TTC21A: variants seen among roughly 807,000 people sequenced by gnomAD.
TTC21A encodes the protein tetratricopeptide repeat protein 21A.
TTC21A carries 128 observed loss-of-function variants against 156.4 expected under a neutral mutation model. The ratio of observed to expected loss-of-function variants is 0.82; its 90% CI spans 0.71 to 0.95. The LOEUF is 0.95. Ranked by LOEUF, TTC21A falls within the 40% of genes least tolerant of loss-of-function variation. The pLI is 0.00. For missense variants in TTC21A, 1,435 were observed against 1,602.3 expected (o/e 0.90, Z 1.78); for synonymous variants, 587 against 617.1 (o/e 0.95, Z 0.72).
intron 11 of TTC21A, 49 bp downstream of exon 11, chr3:39,125,581 G>C (rs375696012): frequency 2.2e-6 from 3 of 1,365,436 alleles, no homozygotes; most frequent in Admixed American, 3.3e-5. Flanking sequence ...TACAGGTTTG[G>C]ATGGTGCCCA....
In TTC21A at chr3:39,128,746, C is replaced by T. The variant is rs907404709; in HGVS notation, c.1710C>T (p.Ile570=). ...QVRDHPLYHL[I]KARALNKAGD... ...GAGATCACCCCCTCTACCACCTCAT[C>T]AAGGCCAGGGCCCTCAACAAGGCTG... The change falls in exon 14 of 29, where the codon ATC becomes ATT. Residue 570 remains isoleucine (I), a synonymous_variant. Transcript: ENST00000683103. 9.3e-6 allele frequency: 15 copies of T among 1,614,072 alleles called. No homozygotes were observed. Among genetic ancestry groups the T allele is most frequent in the Non-Finnish European group, 1.3e-5 (15 of 1,180,054 alleles).
intron 10 of TTC21A, 34 bp downstream of exon 10, chr3:39,125,194 GA>G (rs2038119389): frequency 6.4e-7 from 1 of 1,569,414 alleles, no homozygotes; most frequent in African/African-American, 1.4e-5. Flanking sequence ...GTTGCTCCAG[GA>G]TGATGTCCTC....
chr3:39,117,716 T>C (rs1158602660), intron 6 of TTC21A, among the ~76,000 whole-genome samples: 2 of 152,172 alleles, frequency 1.3e-5, no homozygotes. Context: ...CCCCTCTGTC[T>C]TGTTGCTCTG....
At chr3:39,137,797 A>G in intron 26 of TTC21A, 87 bp downstream of exon 26, 1 of 1,390,218 alleles carries the variant, frequency 7.2e-7, no homozygotes. Flanking sequence ...TTGCAGGTAG[A>G]GGCCATATGG....
rs2038478788 is a variant in TTC21A, at chr3:39,128,786, G to A, written c.1750G>A (p.Ala584Thr). ...ALNKAGDYPE[A>T]IKTLKMVIKL... The stretch of plus-strand genomic sequence containing the variant: ...CAACAAGGCTGGAGACTATCCAGAG[G>A]CCATAAAGACGCTGAAAATGGTCAT... The change falls in exon 14 of 29, where the codon GCC becomes ACC. Residue 584 changes from alanine to threonine, a missense_variant. Ala to Thr is a moderately conservative substitution (Grantham distance 58). Coordinates refer to ENST00000683103, the MANE Select transcript of TTC21A (RefSeq NM_001366900.1). The A allele has an allele frequency of 1.9e-6, 3 of 1,614,162 alleles. No homozygotes were observed. Among genetic ancestry groups the A allele is most frequent in the Admixed American group, 1.7e-5 (1 of 60,014 alleles).
At position 39,128,789 on chromosome 3, in the gene TTC21A, A is replaced by G. The variant is rs2038479182; in HGVS notation, c.1753A>G (p.Ile585Val). ...CAAGGCTGGAGACTATCCAGAGGCCATAAAGACGCTGAAAATGGTCATCAA... is the reference window on the plus strand; with the variant it reads ...CAAGGCTGGAGACTATCCAGAGGCCGTAAAGACGCTGAAAATGGTCATCAA... The part of the protein sequence containing the change: ...LNKAGDYPEA[I>V]KTLKMVIKLP... Residue 585 changes from isoleucine (I) to valine (V), a missense_variant, in exon 14 of 29, where the codon ATA becomes GTA. By Grantham distance (29) the Ile-to-Val change is conservative. Coordinates refer to ENST00000683103, the MANE Select transcript of TTC21A (RefSeq NM_001366900.1). 1 of 1,614,206 alleles carries G rather than the reference A, an allele frequency of 6.2e-7. No homozygotes were observed. Among genetic ancestry groups the G allele is most frequent in the South Asian group, 1.1e-5 (1 of 91,082 alleles).
chr3:39,124,247 A>G (rs1400734961), intron 9 of TTC21A, among the ~76,000 whole-genome samples: 1 of 152,244 alleles, frequency 6.6e-6, no homozygotes, highest in Non-Finnish European at 1.5e-5. Flanking sequence ...CAATAGTTAA[A>G]TAATTAGTAG....
Position 39,120,004 on chromosome 3 carries a change from T to C in TTC21A, c.884T>C (p.Ile295Thr), listed in dbSNP as rs1255827094. 1 of 1,604,762 alleles carries C rather than the reference T, an allele frequency of 6.2e-7. No homozygotes were observed. The change falls in exon 8 of 29, where the codon ATT (isoleucine) becomes ACT (threonine). Residue 295 changes from isoleucine to threonine, a missense_variant. Ile to Thr is a moderately conservative substitution (Grantham distance 89, BLOSUM62 -1). Transcript: ENST00000683103. Reference protein sequence around the residue: ...ENPSLHLKKIIVVSRLCGSHQ... With the variant: ...ENPSLHLKKITVVSRLCGSHQ... ...CCAAGCCTCCATCTTAAAAAAATTA[T>C]TGTGGTTAGCCGACTGGTAAGAAGG...
chr3:39,128,443 C>A lies in TTC21A; in HGVS notation c.1635C>A (p.Gly545=). 4 of 1,614,218 alleles carry A rather than the reference C, an allele frequency of 2.5e-6. No individual in the cohort carries two copies. In the South Asian group the frequency reaches 4.4e-5, roughly 18 times the overall value. Residue 545 remains glycine, a synonymous_variant, in exon 13 of 29, where the codon GGC becomes GGA. Coordinates refer to ENST00000683103, the MANE Select transcript of TTC21A (RefSeq NM_001366900.1). ...TCTACTTGGCTCAGGGCAACTTTGG[C>A]ATGTGCTTCCACTGCTTAGAGCTGG... The part of the protein sequence containing the change: ...CQIYLAQGNF[G]MCFHCLELGV...
chr3:39,128,802 A>C lies in TTC21A; in HGVS notation c.1766A>C (p.Lys589Thr). The change falls in exon 14 of 29, where the codon AAA (lysine) becomes ACA (threonine). Residue 589 changes from lysine (K) to threonine (T), a missense_variant. By Grantham distance (78) the Lys-to-Thr change is moderately conservative. Coordinates refer to ENST00000683103, the MANE Select transcript of TTC21A (RefSeq NM_001366900.1). ...TATCCAGAGGCCATAAAGACGCTGAAAATGGTCATCAAATTGCCAGCTCTG... is the reference window on the plus strand; with the variant it reads ...TATCCAGAGGCCATAAAGACGCTGACAATGGTCATCAAATTGCCAGCTCTG... ...GDYPEAIKTLKMVIKLPALKK... is the reference protein window; with the variant it reads ...GDYPEAIKTLTMVIKLPALKK... The C allele has an allele frequency of 6.2e-7, 1 of 1,614,198 alleles. No homozygotes were observed. Among genetic ancestry groups the C allele is most frequent in the Non-Finnish European group, 8.5e-7 (1 of 1,180,032 alleles).
In TTC21A at chr3:39,134,185, C is replaced by A; in HGVS notation, c.2752-33C>A. On this transcript the variant is annotated intron_variant, in intron 20 of 28. Transcript: ENST00000683103. The surrounding 1 kb of genome is among the most constrained non-coding windows in gnomAD (Gnocchi z 4.6). ...CCCCAGGGGTTTCCCATGGTGTTTACTAGTTAGTTTATTATATCCGGCCTT... is the reference window on the plus strand; with the variant it reads ...CCCCAGGGGTTTCCCATGGTGTTTAATAGTTAGTTTATTATATCCGGCCTT... 7.1e-7 allele frequency: 1 copy of A among 1,409,146 alleles called. No individual in the cohort carries two copies. Among genetic ancestry groups the A allele is most frequent in the Non-Finnish European group, 1.0e-6 (1 of 993,792 alleles). 87.3% of individuals were successfully genotyped at this position (1,409,146 alleles called of 1,614,324 possible). A position where few individuals can be genotyped will look rare whatever the true frequency, so the allele number is the denominator to read the frequency against.
chr3:39,138,152 T>C (rs1161613064), intron 26 of TTC21A, 115 bp from the exon 27 acceptor site: 2 of 1,517,294 alleles, frequency 1.3e-6, no homozygotes, highest in East Asian at 2.3e-5. Context: ...GTTTGGTTTA[T>C]GGCAGCTCAC....
chr3:39,118,083 A>G lies in TTC21A; in HGVS notation c.731A>G (p.Asp244Gly), dbSNP rs760691964. ...TCTTCCTTCAGAATCCTAGAAAAAG[A>G]TGAGAGCAATATTGATGCCTGCCAA... ...VEMGHRILEK[D>G]ESNIDACQIL... The change falls in exon 7 of 29, where the codon GAT (aspartate) becomes GGT (glycine). Residue 244 changes from aspartate to glycine, a missense_variant. Asp to Gly is a moderately conservative substitution (Grantham distance 94, BLOSUM62 -1). Coordinates refer to ENST00000683103, the MANE Select transcript of TTC21A (RefSeq NM_001366900.1). 1 of 1,613,806 alleles carries G rather than the reference A, an allele frequency of 6.2e-7. No homozygotes were observed. The highest frequency in any genetic ancestry group is 8.5e-7 in the Non-Finnish European group (1 of 1,179,670).
intron 23 of TTC21A, 33 bp downstream of exon 23, chr3:39,136,540 G>A (rs372506596): frequency 1.2e-6 from 2 of 1,606,650 alleles, no homozygotes; most frequent in Non-Finnish European, 1.7e-6. Flanking sequence ...AGGGGCAGCT[G>A]TGTGCAGGAA....
chr3:39,128,436 A>C lies in TTC21A; in HGVS notation c.1628A>C (p.Asn543Thr). Residue 543 changes from asparagine (N) to threonine (T), a missense_variant, in exon 13 of 29, where the codon AAC becomes ACC. Physicochemically the swap from Asn to Thr is moderately conservative, Grantham distance 65. Transcript: ENST00000683103. ...TGTCAGATCTACTTGGCTCAGGGCA[A>C]CTTTGGCATGTGCTTCCACTGCTTA... ...LMCQIYLAQG[N>T]FGMCFHCLEL... The C allele has an allele frequency of 6.2e-7, 1 of 1,614,168 alleles. No homozygotes were observed. The highest frequency in any genetic ancestry group is 8.5e-7 in the Non-Finnish European group (1 of 1,180,026).
rs150509939 is a variant in TTC21A, at chr3:39,108,826, T to A, written c.28-259T>A. ...TTCCTAAGACAAAGCCTTGGTTGAA[T>A]TCCCCATCATAGTTGAACCAGAATC... On this transcript the variant is annotated intron_variant, in intron 1 of 28. Coordinates refer to ENST00000683103, the MANE Select transcript of TTC21A (RefSeq NM_001366900.1). 2.6e-3 allele frequency among the ~76,000 whole-genome samples: 399 copies of A among 152,346 alleles called. 3 individuals are homozygous for A. Among genetic ancestry groups the A allele is most frequent in the African/African-American group, 7.8e-3 (326 of 41,580 alleles).
At position 39,137,402 on chromosome 3, in the gene TTC21A, G is replaced by T; in HGVS notation, c.3450+15G>T. The T allele has an allele frequency of 6.2e-7, 1 of 1,610,018 alleles. No individual in the cohort carries two copies. The highest frequency in any genetic ancestry group is 8.5e-7 in the Non-Finnish European group (1 of 1,177,714). Reference sequence around the variant, plus strand: ...CGCAGGCTGAGGTGTGGCTGGTGGGGACTGGCGGGCATGGGCAGGTGGCAG... The same window carrying T: ...CGCAGGCTGAGGTGTGGCTGGTGGGTACTGGCGGGCATGGGCAGGTGGCAG... On this transcript the variant is annotated intron_variant, in intron 25 of 28. Coordinates refer to ENST00000683103, the MANE Select transcript of TTC21A (RefSeq NM_001366900.1).
At chr3:39,112,064 C>T (rs1162142792) in intron 4 of TTC21A, among the ~76,000 whole-genome samples, 3 of 152,212 alleles carry the variant, frequency 2.0e-5, no homozygotes, top group Non-Finnish European at 4.4e-5. Flanking sequence ...CAAGAGTGGC[C>T]TTGCGTAGGC....
At chr3:39,114,878 G>C in intron 6 of TTC21A, 136 bp downstream of exon 6, 6 of 969,520 alleles carry the variant, frequency 6.2e-6, no homozygotes, top group Non-Finnish European at 9.3e-6. Flanking sequence ...TGGCCAAATT[G>C]GGATGAGGAA....
Sources: gnomAD v4.1 joint callset for allele counts (sites outside exome capture counted in the v4.1 genomes callset) on GRCh38, gnomAD v4.1.1 for gene constraint, Gnocchi (gnomAD v3.1) non-coding constraint, MANE v1.5 for transcripts, NCBI Gene and HGNC (gene_info 2026-07-23, HGNC 2026-07-21) for gene names.